ADCYAP1R1: variants seen among roughly 807,000 people sequenced by gnomAD.
ADCYAP1R1 encodes ADCYAP receptor type I.
ADCYAP1R1 carries 44 observed loss-of-function variants against 67.6 expected under a neutral mutation model. That is an observed-to-expected ratio of 0.65 (90% confidence interval 0.51 to 0.84). The LOEUF (loss-of-function observed/expected upper bound fraction) is 0.84. Ranked by LOEUF, ADCYAP1R1 falls within the 40% of genes least tolerant of loss-of-function variation. The pLI, the probability that ADCYAP1R1 is intolerant of heterozygous loss-of-function variation, is 0.00. For synonymous variants in ADCYAP1R1, 222 were observed against 219.6 expected (o/e 1.01, Z -0.10); for missense variants, 477 against 587.9 (o/e 0.81, Z 1.95).
intron 1 of ADCYAP1R1, among the ~76,000 whole-genome samples, chr7:31,061,531 G>T (rs921894609): frequency 6.6e-6 from 1 of 152,190 alleles, no homozygotes; most frequent in African/African-American, 2.4e-5. Flanking sequence ...TGCCCAGCCT[G>T]CCCTGTCCTC....
At chr7:31,061,021 C>G (rs1381349163) in intron 1 of ADCYAP1R1, among the ~76,000 whole-genome samples, 1 of 152,194 alleles carries the variant, frequency 6.6e-6, no homozygotes, top group African/African-American at 2.4e-5. Context: ...AGGTTTCATA[C>G]TGGGGTCAGA....
chr7:31,097,545 T>C (rs760779577), intron 13 of ADCYAP1R1, among the ~76,000 whole-genome samples: 2 of 152,186 alleles, frequency 1.3e-5, no homozygotes, highest in African/African-American at 4.8e-5. Context: ...CCCAAGCTGC[T>C]CCTTGATCTG....
At chr7:31,092,080 T>C (rs933229931) in intron 12 of ADCYAP1R1, among the ~76,000 whole-genome samples, 2 of 148,726 alleles carry the variant, frequency 1.3e-5, no homozygotes, top group African/African-American at 5.0e-5. Flanking sequence ...AGTCCTGTCA[T>C]TGTGCCTTGT....
chr7:31,067,476 C>T (rs1477612538), intron 3 of ADCYAP1R1, among the ~76,000 whole-genome samples: 1 of 151,854 alleles, frequency 6.6e-6, no homozygotes, highest in Admixed American at 6.5e-5. Context: ...TCCTGTGTGC[C>T]AGGCTCTGTG....
intron 13 of ADCYAP1R1, among the ~76,000 whole-genome samples, chr7:31,098,711 G>A (rs1361321890): frequency 4.9e-5 from 6 of 121,528 alleles, no homozygotes; most frequent in African/African-American, 1.4e-4. Context: ...GGCGGGGGGG[G>A]GGGGGGGACC....
At chr7:31,091,572 C>G (rs11979713) in intron 12 of ADCYAP1R1, among the ~76,000 whole-genome samples, 6,313 of 152,212 alleles carry the variant, frequency 0.041, 429 homozygotes, top group African/African-American at 0.15. Context: ...TTTAGTTCAT[C>G]TTTAGTTAAA....
At chr7:31,052,997 C>G (rs1167919711) in intron 1 of ADCYAP1R1, among the ~76,000 whole-genome samples, 2 of 152,236 alleles carry the variant, frequency 1.3e-5, no homozygotes, top group Non-Finnish European at 2.9e-5. Context: ...TCACGCCCCT[C>G]CTGATGCGGA....
At chr7:31,069,330 C>A (rs367930870) in intron 3 of ADCYAP1R1, among the ~76,000 whole-genome samples, 2 of 152,342 alleles carry the variant, frequency 1.3e-5, no homozygotes, top group South Asian at 4.1e-4. Context: ...CTTTCCTGCA[C>A]CTTCCCTGCC....
At chr7:31,077,067 T>A (rs1795263978) in intron 3 of ADCYAP1R1, among the ~76,000 whole-genome samples, 2 of 152,148 alleles carry the variant, frequency 1.3e-5, no homozygotes, top group Admixed American at 6.5e-5. Flanking sequence ...ACCCAGGAGC[T>A]CCTGAAGTGC....
intron 13 of ADCYAP1R1, among the ~76,000 whole-genome samples, chr7:31,098,595 C>T (rs1418848178): frequency 2.0e-5 from 3 of 151,424 alleles, no homozygotes. Flanking sequence ...CGACATTCCT[C>T]TTCTGGAAAA....
intron 1 of ADCYAP1R1, among the ~76,000 whole-genome samples, chr7:31,055,986 C>T (rs1157397238): frequency 2.0e-5 from 3 of 152,228 alleles, no homozygotes; most frequent in East Asian, 1.9e-4. Flanking sequence ...TGACTGCTGT[C>T]ACTTGAGCTT....
At chr7:31,072,790 A>G (rs887534208) in intron 3 of ADCYAP1R1, among the ~76,000 whole-genome samples, 1 of 152,266 alleles carries the variant, frequency 6.6e-6, no homozygotes, top group African/African-American at 2.4e-5. Context: ...TTGCAGAGGG[A>G]ATTAAGGATC....
rs755639254 is a variant in ADCYAP1R1 at position 31,103,336 on chromosome 7, C to T, written c.1146C>T (p.Leu382=). The T allele has an allele frequency of 1.1e-5, 18 of 1,614,056 alleles. No individual in the cohort carries two copies. Among genetic ancestry groups the T allele is most frequent in the East Asian group, 2.2e-5 (1 of 44,892 alleles). Residue 382 remains leucine (L), a synonymous_variant, in exon 14 of 16, where the codon CTC becomes CTT. Transcript: ENST00000304166. The stretch of plus-strand genomic sequence containing the variant: ...AGAATGTCAGCAAAAGGGAAAGACT[C>T]GTGTTTGAGCTGGGGCTGGGCTCCT... ...SPENVSKRER[L]VFELGLGSFQ...
rs1794198194 is a variant in ADCYAP1R1 at position 31,055,399 on chromosome 7, C to A, written c.-72+2721C>A. Among the ~76,000 whole-genome samples, 3 of 151,828 alleles carry A rather than the reference C, an allele frequency of 2.0e-5. No homozygotes were observed. The South Asian group carries it at 6.2e-4, about 32-fold the overall frequency. On this transcript the variant is annotated intron_variant, in intron 1 of 15. Coordinates refer to ENST00000304166, the MANE Select transcript of ADCYAP1R1 (RefSeq NM_001118.5). ...ATAAGCCTAGAACAAGGGTAGGCAACCTTTTTCTGTAAAGTGCCAGATAGC... is the reference window on the plus strand; with the variant it reads ...ATAAGCCTAGAACAAGGGTAGGCAAACTTTTTCTGTAAAGTGCCAGATAGC...
At chr7:31,103,462 A>G in intron 14 of ADCYAP1R1, 96 bp downstream of exon 14, 1 of 1,554,750 alleles carries the variant, frequency 6.4e-7, no homozygotes, top group Non-Finnish European at 8.8e-7. Flanking sequence ...TCTTGACTGT[A>G]AAGTGAGTGC....
chr7:31,063,276 C>T lies in ADCYAP1R1; in HGVS notation c.12C>T (p.Val4=), dbSNP rs1456607064. The change falls in exon 2 of 16, where the codon GTC becomes GTT. Residue 4 remains valine (V), a synonymous_variant. Coordinates refer to ENST00000304166, the MANE Select transcript of ADCYAP1R1 (RefSeq NM_001118.5). ...GGCCAAGAAGTGTCATGGCTGGTGT[C>T]GTGCACGTTTCCCTGGCTGCTCTCC... The part of the protein sequence containing the change: MAG[V]VHVSLAALLL... 4 of 1,614,152 alleles carry T rather than the reference C, an allele frequency of 2.5e-6. No homozygotes were observed. Among genetic ancestry groups the T allele is most frequent in the African/African-American group, 2.7e-5 (2 of 75,042 alleles).
At chr7:31,074,778 G>A (rs1405045977) in intron 3 of ADCYAP1R1, among the ~76,000 whole-genome samples, 4 of 152,212 alleles carry the variant, frequency 2.6e-5, no homozygotes, top group African/African-American at 9.6e-5. Flanking sequence ...AATTATTGAT[G>A]ACTGGCCTAC....
At chr7:31,089,683 C>T (rs937827232) in intron 12 of ADCYAP1R1, among the ~76,000 whole-genome samples, 1 of 152,118 alleles carries the variant, frequency 6.6e-6, no homozygotes, top group Non-Finnish European at 1.5e-5. Context: ...TCAGATTGCT[C>T]TCAATGAGCA....
At chr7:31,099,670 G>A (rs992459799) in intron 13 of ADCYAP1R1, among the ~76,000 whole-genome samples, 1 of 152,200 alleles carries the variant, frequency 6.6e-6, no homozygotes, top group African/African-American at 2.4e-5. Flanking sequence ...GCCCAGAACT[G>A]GCCTGATTTG....
Sources: allele counts gnomAD v4.1 joint callset (sites outside exome capture counted in the v4.1 genomes callset), GRCh38; gene constraint gnomAD v4.1.1; transcripts MANE v1.5; gene names NCBI Gene and HGNC (gene_info 2026-07-23, HGNC 2026-07-21).